Variants in MAPKAPK5 observed in about 807,000 individuals in gnomAD.
MAPKAPK5 encodes the protein MAPK activated protein kinase 5, also known as MAP kinase-activated protein kinase 5.
In MAPKAPK5, 30 loss-of-function variants were observed where a neutral mutation model predicts 65.1. The observed-to-expected ratio is 0.46, with a 90% CI of 0.34 to 0.63. The LOEUF (loss-of-function observed/expected upper bound fraction) is 0.63. Among genes scored for constraint, MAPKAPK5 ranks in the 20% least tolerant of loss-of-function variants. The probability of loss-of-function intolerance (pLI) is 0.01; values close to 1 mark genes in which losing one functional copy is unlikely to be tolerated. For synonymous variants in MAPKAPK5, 179 were observed against 204.6 expected (o/e 0.87, Z 1.07); for missense variants, 433 against 581.4 (o/e 0.74, Z 2.63).
intron 1 of MAPKAPK5, among the ~76,000 whole-genome samples, chr12:111,854,206 A>G (rs2069169056): frequency 1.3e-5 from 2 of 151,808 alleles, no homozygotes; most frequent in African/African-American, 2.4e-5. Flanking sequence ...TACTATGAAC[A>G]TAGTAAAGAT....
At chr12:111,889,312 A>G (rs2070521089) in intron 12 of MAPKAPK5, 1 of 276,992 alleles carries the variant, frequency 3.6e-6, no homozygotes, top group Non-Finnish European at 6.9e-6. Context: ...ACAAGGGCAC[A>G]GGTTGGGGGA....
intron 7 of MAPKAPK5, among the ~76,000 whole-genome samples, chr12:111,877,999 ACT>A (rs751843941): frequency 2.6e-4 from 36 of 137,078 alleles, no homozygotes; most frequent in Admixed American, 1.8e-3. Context: ...GCTGACTCTG[ACT>A]CTTTTTTTTT....
intron 7 of MAPKAPK5, among the ~76,000 whole-genome samples, chr12:111,875,819 G>A (rs942403360): frequency 1.3e-5 from 2 of 152,092 alleles, no homozygotes; most frequent in Non-Finnish European, 2.9e-5. Context: ...CCATAGGTGA[G>A]CCAGCTTTCA....
intron 1 of MAPKAPK5, among the ~76,000 whole-genome samples, chr12:111,848,132 A>C (rs1481134261): frequency 6.6e-6 from 1 of 152,194 alleles, no homozygotes; most frequent in African/African-American, 2.4e-5. Context: ...TAGTAAATTT[A>C]TGTTTAACTT....
At chr12:111,855,519 TC>T (rs1191102777) in intron 1 of MAPKAPK5, among the ~76,000 whole-genome samples, 1 of 152,156 alleles carries the variant, frequency 6.6e-6, no homozygotes, top group African/African-American at 2.4e-5. Flanking sequence ...TTCTTTGACC[TC>T]CTGGTTATTT....
chr12:111,886,265 C>T (rs562257288), intron 10 of MAPKAPK5, among the ~76,000 whole-genome samples: 21 of 152,174 alleles, frequency 1.4e-4, no homozygotes, highest in Non-Finnish European at 2.8e-4. Flanking sequence ...AAGGAATAGC[C>T]TCCATATTTC....
chr12:111,846,092 C>G (rs2068899687), intron 1 of MAPKAPK5, among the ~76,000 whole-genome samples: 1 of 152,162 alleles, frequency 6.6e-6, no homozygotes, highest in Non-Finnish European at 1.5e-5. Flanking sequence ...CATGGTGAAT[C>G]TACGCTAATT....
intron 1 of MAPKAPK5, among the ~76,000 whole-genome samples, chr12:111,848,477 G>A (rs1295781503): frequency 6.8e-6 from 1 of 147,718 alleles, no homozygotes; most frequent in Non-Finnish European, 1.5e-5. Flanking sequence ...ACAGTGGCAC[G>A]ATCTCGGCTC....
At chr12:111,844,164 G>T (rs1233360119) in intron 1 of MAPKAPK5, among the ~76,000 whole-genome samples, 3 of 151,454 alleles carry the variant, frequency 2.0e-5, no homozygotes, top group Non-Finnish European at 2.9e-5. Flanking sequence ...CTAAAAGACT[G>T]CCTTGACATA....
At position 111,899,866 on chromosome 12, in the gene MAPKAPK5, G is replaced by A. The variant is rs78007238; in HGVS notation, c.*6805G>A. ...TGTTATACACCATGGCACATCAAGC[G>A]TGAGTCTCCTGTGGTGTCTACTAGC... On this transcript the variant is annotated 3_prime_UTR_variant, in exon 14 of 14. Coordinates refer to ENST00000550735, the MANE Select transcript of MAPKAPK5 (RefSeq NM_003668.4). 4 of 454,448 alleles carry A rather than the reference G, an allele frequency of 8.8e-6. No homozygotes were observed. Among genetic ancestry groups the A allele is most frequent in the South Asian group, 1.5e-5 (1 of 64,548 alleles). The allele number at this position is 454,448 out of a possible 1,614,324, so 28.2% of individuals were successfully genotyped here.
In MAPKAPK5 at chr12:111,866,212, G is replaced by A. The variant is rs371560016; in HGVS notation, c.167G>A (p.Arg56His). The A allele has an allele frequency of 1.1e-5, 17 of 1,611,762 alleles. No homozygotes were observed. Among genetic ancestry groups the A allele is most frequent in the Middle Eastern group, 1.6e-4 (1 of 6,062 alleles). ...ERFALKILLD[R>H]PKARNEVRLH... ...TTTGCGCTGAAAATTCTTCTTGATC[G>A]TCCAAAAGCTAGAAATGAGGTATGC... Residue 56 changes from arginine to histidine, a missense_variant, in exon 3 of 14, where the codon CGT (arginine) becomes CAT (histidine). By Grantham distance (29) the Arg-to-His change is conservative (BLOSUM62 0). Coordinates refer to ENST00000550735, the MANE Select transcript of MAPKAPK5 (RefSeq NM_003668.4).
chr12:111,885,888 G>A, intron 9 of MAPKAPK5, 28 bp from the exon 10 acceptor site: 1 of 1,613,782 alleles, frequency 6.2e-7, no homozygotes, highest in Admixed American at 1.7e-5. Flanking sequence ...AACTGTGCAT[G>A]GCAGCCCTGT....
Position 111,898,359 on chromosome 12 carries a change from G to C in MAPKAPK5, c.*5298G>C, listed in dbSNP as rs1271625112. 6.6e-6 allele frequency: 1 copy of C among 152,132 alleles called. No homozygotes were observed. The highest frequency in any genetic ancestry group is 1.5e-5 in the Non-Finnish European group (1 of 68,074). The allele number at this position is 152,132 out of a possible 1,614,324, so 9.4% of individuals were successfully genotyped here. A position where few individuals can be genotyped will look rare whatever the true frequency, so the allele number is the denominator to read the frequency against. On this transcript the variant is annotated 3_prime_UTR_variant, in exon 14 of 14. Transcript: ENST00000550735. The stretch of plus-strand genomic sequence containing the variant: ...AATTTTTGCATTTTTAGTAGGGACA[G>C]GGTTTCACCATGCTGGCCAGGCTGG...
chr12:111,899,602 A>G lies in MAPKAPK5; in HGVS notation c.*6541A>G. On this transcript the variant is annotated 3_prime_UTR_variant, in exon 14 of 14. Coordinates refer to ENST00000550735, the MANE Select transcript of MAPKAPK5 (RefSeq NM_003668.4). ...GGCCAGAAGCACCTGGTTCATCTGAAGGTGAAGAGAAACCATTTTGTGAAT... is the reference window on the plus strand; with the variant it reads ...GGCCAGAAGCACCTGGTTCATCTGAGGGTGAAGAGAAACCATTTTGTGAAT... The G allele has an allele frequency of 7.8e-6, 2 of 254,944 alleles. No homozygotes were observed. The highest frequency in any genetic ancestry group is 9.2e-5 in the South Asian group (2 of 21,762). The allele number at this position is 254,944 out of a possible 1,614,324, so 15.8% of individuals were successfully genotyped here.
intron 9 of MAPKAPK5, among the ~76,000 whole-genome samples, chr12:111,884,383 G>A (rs2070337476): frequency 6.6e-6 from 1 of 152,190 alleles, no homozygotes; most frequent in African/African-American, 2.4e-5. Context: ...GCTCATTTTT[G>A]TATTTTAAGT....
rs76500881 is a variant in MAPKAPK5 at position 111,888,256 on chromosome 12, C to G, written c.970-232C>G. On this transcript the variant is annotated intron_variant, in intron 10 of 13. Transcript: ENST00000550735. ...TTTCTTACTCGCATTTCTGTCCCCCCACCAGGGAAGAAGGGCTAGTTGTTG... is the reference window on the plus strand; with the variant it reads ...TTTCTTACTCGCATTTCTGTCCCCCGACCAGGGAAGAAGGGCTAGTTGTTG... 2.1e-4 allele frequency: 92 copies of G among 440,124 alleles called. No homozygotes were observed. The Middle Eastern group carries it at 3.9e-3, about 19-fold the overall frequency. The allele number at this position is 440,124 out of a possible 1,614,324, so 27.3% of individuals were successfully genotyped here.
Position 111,880,031 on chromosome 12 carries a change from A to C in MAPKAPK5, c.580-416A>C, listed in dbSNP as rs1230973798. On this transcript the variant is annotated intron_variant, in intron 7 of 13. Coordinates refer to ENST00000550735, the MANE Select transcript of MAPKAPK5 (RefSeq NM_003668.4). ...GCCAGGATAATGGTCTCACGGTGGCAGTGGCTACCTCCTTGGAGCACTTAA... is the reference window on the plus strand; with the variant it reads ...GCCAGGATAATGGTCTCACGGTGGCCGTGGCTACCTCCTTGGAGCACTTAA... The C allele has an allele frequency of 1.8e-5, 4 of 224,290 alleles. No homozygotes were observed. In the South Asian group the frequency reaches 3.0e-4, roughly 17 times the overall value. 13.9% of individuals were successfully genotyped at this position (224,290 alleles called of 1,614,324 possible).
rs750521728 is a variant in MAPKAPK5 at position 111,871,204 on chromosome 12, T to C, written c.579+24T>C. 6 of 1,593,864 alleles carry C rather than the reference T, an allele frequency of 3.8e-6. No homozygotes were observed. In the Admixed American group the frequency reaches 1.0e-4, roughly 27 times the overall value. The stretch of plus-strand genomic sequence containing the variant: ...AGGTAAGCATGTGCGGTTTCTGTCC[T>C]AAGATCTGTCACCAAGCTGCCCATC... On this transcript the variant is annotated intron_variant, in intron 7 of 13. Coordinates refer to ENST00000550735, the MANE Select transcript of MAPKAPK5 (RefSeq NM_003668.4).
intron 1 of MAPKAPK5, among the ~76,000 whole-genome samples, chr12:111,850,775 T>C (rs1314031868): frequency 2.0e-5 from 3 of 152,206 alleles, no homozygotes; most frequent in African/African-American, 7.2e-5. Flanking sequence ...CACAGTCAAG[T>C]TTATGATCAG....
Sources: gnomAD v4.1 joint callset for allele counts (sites outside exome capture counted in the v4.1 genomes callset) on GRCh38, gnomAD v4.1.1 for gene constraint, MANE v1.5 for transcripts, NCBI Gene and HGNC (gene_info 2026-07-23, HGNC 2026-07-21) for gene names.